MAPT: variants seen among roughly 807,000 people sequenced by gnomAD.
MAPT encodes the protein microtubule-associated protein tau.
MAPT carries 34 observed loss-of-function variants against 67.9 expected under a neutral mutation model. The ratio of observed to expected loss-of-function variants is 0.50; its 90% CI spans 0.38 to 0.67. The LOEUF (loss-of-function observed/expected upper bound fraction) is 0.67. MAPT is among the 30% of genes least tolerant of loss of function. MAPT has a pLI of 0.00. For synonymous variants in MAPT, 456 were observed against 464.5 expected, an observed-to-expected ratio of 0.98 and a Z score of 0.23; for missense variants, 881 against 1,115.2, an observed-to-expected ratio of 0.79 and a Z score of 2.99.
chr17:45,899,505 T>C (rs972687521), intron 1 of MAPT, among the ~76,000 whole-genome samples: 14 of 152,326 alleles, frequency 9.2e-5, no homozygotes, highest in Admixed American at 6.5e-4. Context: ...CAGAGAGGGT[T>C]AGTAACTTGC....
chr17:45,904,205 AATATATTAT>A lies in MAPT; in HGVS notation c.-18+9542_-18+9550del, dbSNP rs1338479523. Among the ~76,000 whole-genome samples the A allele has an allele frequency of 5.2e-3, 205 of 39,582 alleles. 5 individuals carry two copies. Among genetic ancestry groups the A allele is most frequent in the African/African-American group, 0.017 (176 of 10,634 alleles). 26.0% of individuals were successfully genotyped at this position (39,582 alleles called of 152,430 possible). On this transcript the variant is annotated intron_variant, in intron 1 of 12. Transcript: ENST00000262410. ...AATATATTGTATATATTATATATCT[AATATATTAT>A]ATATATTATATATATTATATATTAT...
chr17:45,925,335 G>C (rs2066176961), intron 1 of MAPT, among the ~76,000 whole-genome samples: 1 of 152,194 alleles, frequency 6.6e-6, no homozygotes, highest in Admixed American at 6.5e-5. Flanking sequence ...CTTTCTCTGT[G>C]CCCCTTGGTC....
At chr17:46,011,553 C>A (rs991748675) in intron 10 of MAPT, among the ~76,000 whole-genome samples, 7 of 152,146 alleles carry the variant, frequency 4.6e-5, no homozygotes, top group African/African-American at 1.7e-4. Flanking sequence ...CTTCATCATC[C>A]CCTGGCCGGT....
In MAPT at chr17:45,915,498, G is replaced by T. The variant is rs927353213; in HGVS notation, c.-18+20812G>T. ...TGGTGTGTTGTGATATGTGTGTGGTGTGTGAGCATGTGTGTGTGATGTGTC... is the reference window on the plus strand; with the variant it reads ...TGGTGTGTTGTGATATGTGTGTGGTTTGTGAGCATGTGTGTGTGATGTGTC... On this transcript the variant is annotated intron_variant, in intron 1 of 12. Coordinates refer to ENST00000262410, the MANE Select transcript of MAPT (RefSeq NM_001377265.1). The surrounding 1 kb of genome is among the most constrained non-coding windows in gnomAD (Gnocchi z 4.4). Among the ~76,000 whole-genome samples, 10 of 151,094 alleles carry T rather than the reference G, an allele frequency of 6.6e-5. No homozygotes were observed. The highest frequency in any genetic ancestry group is 6.6e-4 in the Admixed American group (10 of 15,120).
chr17:45,960,725 G>A (rs2070299139), intron 1 of MAPT, among the ~76,000 whole-genome samples: 1 of 152,024 alleles, frequency 6.6e-6, no homozygotes, highest in East Asian at 1.9e-4. Flanking sequence ...GGCGGATATG[G>A]GAGGATCACT....
At chr17:45,932,911 A>C (rs2066974622) in intron 1 of MAPT, among the ~76,000 whole-genome samples, 1 of 151,392 alleles carries the variant, frequency 6.6e-6, no homozygotes, top group South Asian at 2.1e-4. Flanking sequence ...ATGAAACCCC[A>C]TCTCTACTAA....
chr17:45,986,473 C>T lies in MAPT; in HGVS notation c.1352-567C>T, dbSNP rs143664263. Among the ~76,000 whole-genome samples, 803 of 152,320 alleles carry T rather than the reference C, an allele frequency of 5.3e-3. 8 individuals carry two copies. The highest frequency in any genetic ancestry group is 0.021 in the Admixed American group (321 of 15,308). On this transcript the variant is annotated intron_variant, in intron 5 of 12. Transcript: ENST00000262410. ...CATGGGCAGGGGAGCCGGGTGGTTC[C>T]AGGCAGTTTCCAAGGCCAAGAGGGT... is the stretch of plus-strand genomic sequence containing the variant.
At chr17:46,011,783 G>T (rs1186128809) in intron 10 of MAPT, among the ~76,000 whole-genome samples, 1 of 152,118 alleles carries the variant, frequency 6.6e-6, no homozygotes, top group Non-Finnish European at 1.5e-5. Flanking sequence ...GCAGCCACCC[G>T]CATCCAGCCC....
intron 9 of MAPT, among the ~76,000 whole-genome samples, chr17:45,998,571 G>A (rs920028654): frequency 2.6e-5 from 4 of 152,174 alleles, no homozygotes; most frequent in African/African-American, 4.8e-5. Flanking sequence ...CAAACGATCC[G>A]GGTTAAATTA....
intron 1 of MAPT, among the ~76,000 whole-genome samples, chr17:45,955,466 C>T (rs2069533018): frequency 6.6e-6 from 1 of 152,230 alleles, no homozygotes; most frequent in African/African-American, 2.4e-5. Flanking sequence ...CCGAGGGCAC[C>T]TCTGTGGTGC....
intron 1 of MAPT, among the ~76,000 whole-genome samples, chr17:45,926,860 T>C (rs1030366207): frequency 5.3e-5 from 8 of 152,006 alleles, no homozygotes; most frequent in African/African-American, 1.7e-4. Flanking sequence ...CAGCAAATTC[T>C]CAAATAGCTC....
At chr17:45,954,785 C>T (rs1419032991) in intron 1 of MAPT, among the ~76,000 whole-genome samples, 1 of 151,930 alleles carries the variant, frequency 6.6e-6, no homozygotes, top group Non-Finnish European at 1.5e-5. Context: ...TCGAGACCAT[C>T]TTGGCTAACA....
intron 6 of MAPT, among the ~76,000 whole-genome samples, chr17:45,989,318 G>T (rs1374599797): frequency 6.6e-6 from 1 of 152,120 alleles, no homozygotes; most frequent in African/African-American, 2.4e-5. Context: ...GAGAAAGAAC[G>T]TACTAGAACT....
intron 5 of MAPT, chr17:45,985,808 C>T: frequency 2.6e-6 from 2 of 774,852 alleles, no homozygotes; most frequent in Non-Finnish European, 3.1e-6. Flanking sequence ...TTTAGGCTTA[C>T]AGACCCAGTT....
intron 9 of MAPT, among the ~76,000 whole-genome samples, chr17:46,000,073 A>C (rs1287280496): frequency 2.0e-5 from 3 of 152,170 alleles, no homozygotes; most frequent in African/African-American, 7.2e-5. Flanking sequence ...CCCAGTATGC[A>C]GTAAGTGCTC....
intron 1 of MAPT, among the ~76,000 whole-genome samples, chr17:45,944,209 A>C (rs561455834): frequency 6.6e-6 from 1 of 152,332 alleles, no homozygotes; most frequent in Admixed American, 6.5e-5. Context: ...GAAGAATTGC[A>C]GTTCAGAGAG....
intron 1 of MAPT, among the ~76,000 whole-genome samples, chr17:45,946,075 A>G (rs1287550704): frequency 6.6e-6 from 1 of 151,976 alleles, no homozygotes; most frequent in Non-Finnish European, 1.5e-5. Context: ...CTACTCCTTT[A>G]AAGAATAAGA....
In MAPT at chr17:45,912,463, T is replaced by C. The variant is rs530843597; in HGVS notation, c.-18+17777T>C. 3.1e-4 allele frequency among the ~76,000 whole-genome samples: 47 copies of C among 152,284 alleles called. 1 individual carries two copies. Among genetic ancestry groups the C allele is most frequent in the Non-Finnish European group, 5.4e-4 (37 of 68,008 alleles). The stretch of plus-strand genomic sequence containing the variant: ...CACAGAAGAGAAGACAATGTGGTGA[T>C]GGAGGCAGAGATTGGAGTGAGGTGG... On this transcript the variant is annotated intron_variant, in intron 1 of 12. Transcript: ENST00000262410.
intron 1 of MAPT, among the ~76,000 whole-genome samples, chr17:45,914,454 G>C (rs1048265151): frequency 6.6e-6 from 1 of 152,226 alleles, no homozygotes; most frequent in African/African-American, 2.4e-5. Flanking sequence ...GGAGCGGTCC[G>C]TCTGCACTGC....
Sources: gnomAD v4.1 joint callset for allele counts (sites outside exome capture counted in the v4.1 genomes callset) on GRCh38, gnomAD v4.1.1 for gene constraint, Gnocchi (gnomAD v3.1) non-coding constraint, MANE v1.5 for transcripts, NCBI Gene and HGNC (gene_info 2026-07-23, HGNC 2026-07-21) for gene names.